Variants in GRHL1 observed in about 807,000 individuals in gnomAD.
The protein encoded by GRHL1 is grainyhead-like protein 1 homolog.
In GRHL1, 38 loss-of-function variants were observed where a neutral mutation model predicts 75.7. The observed-to-expected ratio is 0.50, with a 90% CI of 0.39 to 0.66. GRHL1 has a LOEUF of 0.66. Ranked by LOEUF, GRHL1 falls within the 30% of genes least tolerant of loss-of-function variation. The pLI is 0.00. For missense variants in GRHL1, 589 were observed against 767.5 expected (o/e 0.77, Z 2.75); for synonymous variants, 266 against 279.4 (o/e 0.95, Z 0.48).
chr2:9,965,316 A>G lies in GRHL1; in HGVS notation c.1045A>G (p.Ser349Gly), dbSNP rs1288855200. Residue 349 changes from serine to glycine, a missense_variant, in exon 8 of 16, where the codon AGT becomes GGT. Ser to Gly is a moderately conservative substitution (Grantham distance 56, BLOSUM62 0). Coordinates refer to ENST00000324907, the MANE Select transcript of GRHL1 (RefSeq NM_198182.3). ...CTATAAAGAAAGCTTCAACACTATC[A>G]GTAACATCGAGGAGATTGCGTATAA... is the stretch of plus-strand genomic sequence containing the variant. ...ADYKESFNTI[S>G]NIEEIAYNAI... 2.5e-6 allele frequency: 4 copies of G among 1,609,640 alleles called. No homozygotes were observed. The South Asian group carries it at 4.4e-5, about 18-fold the overall frequency.
intron 8 of GRHL1, among the ~76,000 whole-genome samples, chr2:9,970,622 C>T (rs2125219683): frequency 6.6e-6 from 1 of 152,294 alleles, no homozygotes; most frequent in African/African-American, 2.4e-5. Context: ...AGTTCAGTCC[C>T]CGTCCATTTT....
At chr2:9,980,544 G>A (rs1283406001) in intron 8 of GRHL1, among the ~76,000 whole-genome samples, 1 of 152,118 alleles carries the variant, frequency 6.6e-6, no homozygotes, top group Non-Finnish European at 1.5e-5. Context: ...GAGCACCTTG[G>A]CCTGTTCAGC....
At chr2:9,967,634 G>A (rs1219321010) in intron 8 of GRHL1, among the ~76,000 whole-genome samples, 2 of 152,100 alleles carry the variant, frequency 1.3e-5, no homozygotes, top group African/African-American at 4.8e-5. Flanking sequence ...TCTTTTTGAA[G>A]CTGATATCAG....
intron 10 of GRHL1, among the ~76,000 whole-genome samples, chr2:9,991,016 C>G (rs1668617075): frequency 6.6e-6 from 1 of 152,194 alleles, no homozygotes; most frequent in East Asian, 1.9e-4. Context: ...GTTCAGACTT[C>G]TGTTTCCAGT....
intron 8 of GRHL1, among the ~76,000 whole-genome samples, chr2:9,977,526 T>A (rs1350731936): frequency 1.3e-5 from 2 of 152,228 alleles, no homozygotes; most frequent in Non-Finnish European, 2.9e-5. Context: ...TTCACCATGT[T>A]GGCCAGGCTG....
chr2:10,002,171 T>A lies in GRHL1; in HGVS notation c.*1464T>A, dbSNP rs1057344402. 6.6e-6 allele frequency: 1 copy of A among 152,604 alleles called. No individual in the cohort carries two copies. The highest frequency in any genetic ancestry group is 2.4e-5 in the African/African-American group (1 of 41,436). The allele number at this position is 152,604 out of a possible 1,614,324, so 9.5% of individuals were successfully genotyped here. ...GATATGGGATATGGGTCATATAACT[T>A]TTGTATTTTTTATGAAGTTGATTTT... On this transcript the variant is annotated 3_prime_UTR_variant, in exon 16 of 16. Transcript: ENST00000324907.
intron 8 of GRHL1, among the ~76,000 whole-genome samples, chr2:9,977,538 T>TCTCAAATTCCTGGC (rs995914027): frequency 6.6e-6 from 1 of 152,170 alleles, no homozygotes; most frequent in African/African-American, 2.4e-5. Context: ...GCCAGGCTGG[T>TCTCAAATTCCTGGC]CTCAAATTCC....
intron 8 of GRHL1, among the ~76,000 whole-genome samples, chr2:9,979,169 G>GAAAAAAAAAAAAAAAAAAAAAAA (rs1313941842): frequency 9.1e-4 from 68 of 74,840 alleles, no homozygotes; most frequent in African/African-American, 1.2e-3. Context: ...AAAAAAAAAG[G>GAAAAAAAAAAAAAAAAAAAAAAA]AAACCTTATC....
rs1668474207 is a variant in GRHL1, at chr2:9,987,507, G to A, written c.1269+1225G>A. On this transcript the variant is annotated intron_variant, in intron 9 of 15. Transcript: ENST00000324907. This position sits in a 1 kb window ranked among gnomAD's most constrained non-coding sequence, Gnocchi z 4.2. The stretch of plus-strand genomic sequence containing the variant: ...TGTCCGAGTGGCTGAATCACAAAGT[G>A]CTGTGCCTTCACAGCCCTCTTCCCC... Among the ~76,000 whole-genome samples, 1 of 152,180 alleles carries A rather than the reference G, an allele frequency of 6.6e-6. No individual in the cohort carries two copies. Among genetic ancestry groups the A allele is most frequent in the South Asian group, 2.1e-4 (1 of 4,820 alleles).
chr2:9,954,999 C>A lies in GRHL1; in HGVS notation c.105C>A (p.Ser35=). The change falls in exon 2 of 16, where the codon TCC becomes TCA. Residue 35 remains serine (S), a synonymous_variant. Coordinates refer to ENST00000324907, the MANE Select transcript of GRHL1 (RefSeq NM_198182.3). The part of the protein sequence containing the change: ...SYTSEDEAWK[S]FLENPLTAAT... ...CTAGTGAGGATGAGGCCTGGAAATC[C>A]TTCCTGGAAAACCCTCTCACTGCAG... 1 of 1,612,964 alleles carries A rather than the reference C, an allele frequency of 6.2e-7. No homozygotes were observed. Among genetic ancestry groups the A allele is most frequent in the South Asian group, 1.1e-5 (1 of 91,070 alleles).
At chr2:9,971,456 A>G (rs1230028207) in intron 8 of GRHL1, among the ~76,000 whole-genome samples, 1 of 152,242 alleles carries the variant, frequency 6.6e-6, no homozygotes, top group Non-Finnish European at 1.5e-5. Context: ...TACTTTTAAA[A>G]TGAAGGAGAA....
In GRHL1 at chr2:9,951,808, C is replaced by T. The variant is rs1231986828; in HGVS notation, c.-26C>T. On this transcript the variant is annotated 5_prime_UTR_variant, in exon 1 of 16. Coordinates refer to ENST00000324907, the MANE Select transcript of GRHL1 (RefSeq NM_198182.3). This position sits in a 1 kb window ranked among gnomAD's most constrained non-coding sequence, Gnocchi z 4.2. Reference sequence around the variant, plus strand: ...GTCCCAACCCGAAAGTCCAGTTCTGCGGCCCGGCAGCGGCGAGCGGGCGCG... The same window carrying T: ...GTCCCAACCCGAAAGTCCAGTTCTGTGGCCCGGCAGCGGCGAGCGGGCGCG... The T allele has an allele frequency of 2.6e-6, 4 of 1,526,488 alleles. No homozygotes were observed. The highest frequency in any genetic ancestry group is 1.4e-5 in the African/African-American group (1 of 69,316). The allele number at this position is 1,526,488 out of a possible 1,614,324, so 94.6% of individuals were successfully genotyped here. A position where few individuals can be genotyped will look rare whatever the true frequency, so the allele number is the denominator to read the frequency against.
At chr2:9,998,423 C>CGTGTGT (rs1553306759) in intron 14 of GRHL1, among the ~76,000 whole-genome samples, 2,370 of 33,770 alleles carry the variant, frequency 0.07, 187 homozygotes, top group Non-Finnish European at 0.079. Flanking sequence ...AGTGACTATG[C>CGTGTGT]ATGTGTGTGT....
Position 9,987,517 on chromosome 2 carries a change from C to T in GRHL1, c.1269+1235C>T, listed in dbSNP as rs1295730572. Reference sequence around the variant, plus strand: ...GCTGAATCACAAAGTGCTGTGCCTTCACAGCCCTCTTCCCCAAAGGCCCTT... The same window carrying T: ...GCTGAATCACAAAGTGCTGTGCCTTTACAGCCCTCTTCCCCAAAGGCCCTT... On this transcript the variant is annotated intron_variant, in intron 9 of 15. Transcript: ENST00000324907. The surrounding 1 kb of genome is among the most constrained non-coding windows in gnomAD (Gnocchi z 4.2). Among the ~76,000 whole-genome samples the T allele has an allele frequency of 6.6e-6, 1 of 152,176 alleles. No individual in the cohort carries two copies. Among genetic ancestry groups the T allele is most frequent in the Non-Finnish European group, 1.5e-5 (1 of 68,040 alleles).
chr2:9,954,748 TTGGTCTGCACTTACG>T (rs1008599886), intron 1 of GRHL1, 152 bp from the exon 2 acceptor site: 3 of 674,390 alleles, frequency 4.4e-6, no homozygotes, highest in Non-Finnish European at 5.3e-6. Context: ...GTGGGACCCA[TTGGTCTGCACTTACG>T]TGGTTTGTCT....
chr2:9,997,811 T>C (rs1156271176), intron 14 of GRHL1, among the ~76,000 whole-genome samples: 1 of 140,136 alleles, frequency 7.1e-6, no homozygotes, highest in African/African-American at 2.7e-5. Flanking sequence ...ATAGCAAGAC[T>C]CCGTCTCAAA....
intron 2 of GRHL1, among the ~76,000 whole-genome samples, chr2:9,956,053 A>G (rs1667008794): frequency 6.6e-6 from 1 of 152,246 alleles, no homozygotes; most frequent in Non-Finnish European, 1.5e-5. Context: ...GATTACCAGA[A>G]GCTTCTTAAT....
At chr2:9,958,987 A>G in intron 3 of GRHL1, 131 bp downstream of exon 3, 1 of 1,348,190 alleles carries the variant, frequency 7.4e-7, no homozygotes. Context: ...CTTACTATCT[A>G]AATTCAGATT....
intron 8 of GRHL1, among the ~76,000 whole-genome samples, chr2:9,981,660 T>C (rs1325475049): frequency 1.3e-5 from 2 of 152,254 alleles, no homozygotes; most frequent in Non-Finnish European, 2.9e-5. Context: ...AAATAGTCGC[T>C]TCTGATTTAG....
Sources: gnomAD v4.1 joint callset for allele counts (sites outside exome capture counted in the v4.1 genomes callset) on GRCh38, gnomAD v4.1.1 for gene constraint, Gnocchi (gnomAD v3.1) non-coding constraint, MANE v1.5 for transcripts, NCBI Gene and HGNC (gene_info 2026-07-23, HGNC 2026-07-21) for gene names.